The following OLFML2A variants were observed in gnomAD, a reference collection of about 807,000 sequenced individuals.
The protein encoded by OLFML2A is olfactomedin-like protein 2A.
A neutral mutation model predicts 60.9 loss-of-function variants in OLFML2A; 47 were observed. The observed-to-expected ratio is 0.77, with a 90% CI of 0.61 to 0.98. The LOEUF is 0.98. Ranked by LOEUF, OLFML2A falls within the 50% of genes least tolerant of loss-of-function variation. OLFML2A has a pLI of 0.00. For synonymous variants in OLFML2A, 372 were observed against 375.0 expected, an observed-to-expected ratio of 0.99 and a Z score of 0.09; for missense variants, 922 against 879.8, an observed-to-expected ratio of 1.05 and a Z score of -0.61.
rs778041459 is a variant in OLFML2A at position 124,810,264 on chromosome 9, C to T, written c.1811C>T (p.Thr604Met). The change falls in exon 8 of 8, where the codon ACG (threonine) becomes ATG (methionine). Residue 604 changes from threonine to methionine, a missense_variant. Physicochemically the swap from Thr to Met is moderately conservative, Grantham distance 81. Coordinates refer to ENST00000373580, the MANE Select transcript of OLFML2A (RefSeq NM_182487.4). The part of the protein sequence containing the change: ...QEGQVAYAFD[T>M]HTGTDARPQL... ...GGCCAGGTCGCCTACGCTTTCGACA[C>T]GCACACGGGCACCGACGCACGCCCC... 1.1e-5 allele frequency: 18 copies of T among 1,611,886 alleles called. No homozygotes were observed. Among genetic ancestry groups the T allele is most frequent in the Admixed American group, 6.7e-5 (4 of 60,026 alleles).
chr9:124,780,368 G>T (rs999915810), intron 1 of OLFML2A, among the ~76,000 whole-genome samples: 2 of 152,200 alleles, frequency 1.3e-5, no homozygotes, highest in Non-Finnish European at 2.9e-5. Flanking sequence ...TGGGGAGGGG[G>T]TCTTTGGTCA....
chr9:124,799,215 G>A, intron 3 of OLFML2A, 70 bp from the exon 4 acceptor site: 2 of 1,120,542 alleles, frequency 1.8e-6, no homozygotes, highest in Non-Finnish European at 2.7e-6. Flanking sequence ...CAAAGCTGGG[G>A]TGTCCCTCCA....
At chr9:124,797,079 A>G (rs1283969529) in intron 3 of OLFML2A, among the ~76,000 whole-genome samples, 1 of 152,172 alleles carries the variant, frequency 6.6e-6, no homozygotes, top group Non-Finnish European at 1.5e-5. Context: ...CCCCAGGATC[A>G]ACTGATCCTC....
chr9:124,786,629 G>T (rs1442819769), intron 1 of OLFML2A, among the ~76,000 whole-genome samples: 9 of 151,758 alleles, frequency 5.9e-5, no homozygotes. Context: ...GCTGAGGCAG[G>T]AGAATGGCGT....
intron 6 of OLFML2A, among the ~76,000 whole-genome samples, chr9:124,806,377 A>G (rs895048425): frequency 7.9e-6 from 1 of 126,890 alleles, no homozygotes; most frequent in Non-Finnish European, 1.6e-5. Flanking sequence ...ATTAGCATAT[A>G]TATTACCTCA....
At chr9:124,798,737 A>AAAAG (rs1440586428) in intron 3 of OLFML2A, among the ~76,000 whole-genome samples, 1 of 151,706 alleles carries the variant, frequency 6.6e-6, no homozygotes, top group Non-Finnish European at 1.5e-5. Flanking sequence ...AAAAAAAAAA[A>AAAAG]AAAGAAAGAA....
At position 124,801,717 on chromosome 9, in the gene OLFML2A, G is replaced by A. The variant is rs1841783280; in HGVS notation, c.919+54G>A. The A allele has an allele frequency of 6.4e-6, 10 of 1,572,724 alleles. No individual in the cohort carries two copies. The South Asian group carries it at 1.2e-4, about 18-fold the overall frequency. ...GGAGTCAGGGATGGATGCCTCCTAG[G>A]AATCCCCTCATCTTCTCTGCAGTGG... On this transcript the variant is annotated intron_variant, in intron 5 of 7. Transcript: ENST00000373580.
chr9:124,783,044 G>T (rs1841390516), intron 1 of OLFML2A, among the ~76,000 whole-genome samples: 3 of 152,046 alleles, frequency 2.0e-5, no homozygotes, highest in Admixed American at 2.0e-4. Context: ...CTGACTGTTG[G>T]TGTTCACAGG....
intron 3 of OLFML2A, among the ~76,000 whole-genome samples, chr9:124,798,510 T>C (rs543636358): frequency 8.7e-5 from 13 of 149,284 alleles, no homozygotes; most frequent in East Asian, 4.0e-4. Context: ...AGAGTGAGAC[T>C]CTGTCTCAAA....
intron 5 of OLFML2A, 34 bp downstream of exon 5, chr9:124,801,697 C>G (rs1384767917): frequency 4.4e-6 from 7 of 1,601,938 alleles, no homozygotes; most frequent in Non-Finnish European, 6.0e-6. Flanking sequence ...CCTGGGGAGT[C>G]AGGGATGGAT....
intron 6 of OLFML2A, among the ~76,000 whole-genome samples, chr9:124,805,680 G>A (rs1283444968): frequency 1.3e-5 from 2 of 151,790 alleles, no homozygotes. Flanking sequence ...CTGCTCAGGT[G>A]ACTGATACAT....
At chr9:124,782,743 C>T (rs1356037105) in intron 1 of OLFML2A, among the ~76,000 whole-genome samples, 1 of 152,200 alleles carries the variant, frequency 6.6e-6, no homozygotes, top group Non-Finnish European at 1.5e-5. Context: ...CCTTGGCCGC[C>T]CCCATCAGGA....
In OLFML2A at chr9:124,799,383, C is replaced by T. The variant is rs2131267336; in HGVS notation, c.561C>T (p.Ile187=). The T allele has an allele frequency of 6.2e-7, 1 of 1,613,858 alleles. No homozygotes were observed. The highest frequency in any genetic ancestry group is 8.5e-7 in the Non-Finnish European group (1 of 1,179,910). ...GGCACTATGAGAATCACTCTGCCAT[C>T]ATGCTGGGCATCAAGAAGGAGCTGT... ...QLRHYENHSA[I]MLGIKKELSR... Residue 187 remains isoleucine, a synonymous_variant, in exon 4 of 8, where the codon ATC becomes ATT. Coordinates refer to ENST00000373580, the MANE Select transcript of OLFML2A (RefSeq NM_182487.4).
chr9:124,791,981 T>A (rs375195996), intron 2 of OLFML2A, among the ~76,000 whole-genome samples: 60 of 152,144 alleles, frequency 3.9e-4, no homozygotes, highest in Non-Finnish European at 6.3e-4. Flanking sequence ...ACCATCCTTC[T>A]CCTCTCCTCC....
rs1421198753 is a variant in OLFML2A, at chr9:124,813,674, G to A, written c.*3262G>A. The A allele has an allele frequency of 6.6e-6, 1 of 152,200 alleles. No individual in the cohort carries two copies. The highest frequency in any genetic ancestry group is 1.5e-5 in the Non-Finnish European group (1 of 68,060). 9.4% of individuals were successfully genotyped at this position (152,200 alleles called of 1,614,324 possible). On this transcript the variant is annotated 3_prime_UTR_variant, in exon 8 of 8. Coordinates refer to ENST00000373580, the MANE Select transcript of OLFML2A (RefSeq NM_182487.4). ...TAAAAAGCCTGAATGCCAAGCCAAG[G>A]AGTGGATGCCTCCAGTCATATTTAG...
intron 2 of OLFML2A, among the ~76,000 whole-genome samples, chr9:124,793,030 C>A (rs1227867513): frequency 1.3e-5 from 2 of 152,210 alleles, no homozygotes. Context: ...TCAGCTTCTG[C>A]TCAAAGAAAA....
chr9:124,779,781 T>G lies in OLFML2A; in HGVS notation c.90+2421T>G, dbSNP rs1841327443. On this transcript the variant is annotated intron_variant, in intron 1 of 7. Transcript: ENST00000373580. The surrounding 1 kb of genome is among the most constrained non-coding windows in gnomAD (Gnocchi z 4.1). ...TGCTGGCTCTGCAGAGAGAGCTGTT[T>G]TCATTATCACTCGCTCCTTCCCCCA... 1.3e-5 allele frequency among the ~76,000 whole-genome samples: 2 copies of G among 152,248 alleles called. No individual in the cohort carries two copies. The highest frequency in any genetic ancestry group is 1.3e-4 in the Admixed American group (2 of 15,286).
chr9:124,805,808 G>GTTTTTTTTTT (rs59555267), intron 6 of OLFML2A, among the ~76,000 whole-genome samples: 58 of 71,284 alleles, frequency 8.1e-4, no homozygotes, highest in Non-Finnish European at 1.0e-3. Flanking sequence ...GGTTTTTTTG[G>GTTTTTTTTTT]TTTTTTTTTT....
In OLFML2A at chr9:124,810,921, C is replaced by T. The variant is rs981460256; in HGVS notation, c.*509C>T. ...CCAGTGTACTGGTGTGGGGTGGAGG[C>T]CCTGGCTCTGCCTGCCATCCTAGGG... On this transcript the variant is annotated 3_prime_UTR_variant, in exon 8 of 8. Transcript: ENST00000373580. 6.5e-6 allele frequency: 1 copy of T among 154,538 alleles called. No individual in the cohort carries two copies. The highest frequency in any genetic ancestry group is 1.4e-5 in the Non-Finnish European group (1 of 70,278). The allele number at this position is 154,538 out of a possible 1,614,324, so 9.6% of individuals were successfully genotyped here. A position where few individuals can be genotyped will look rare whatever the true frequency, so the allele number is the denominator to read the frequency against.
Sources: gnomAD v4.1 joint callset for allele counts (sites outside exome capture counted in the v4.1 genomes callset) on GRCh38, gnomAD v4.1.1 for gene constraint, Gnocchi (gnomAD v3.1) non-coding constraint, MANE v1.5 for transcripts, NCBI Gene and HGNC (gene_info 2026-07-23, HGNC 2026-07-21) for gene names.